SATL1: variants seen among roughly 807,000 people sequenced by gnomAD.
SATL1 encodes the protein spermidine/spermine N1-acetyl transferase like 1, also known as spermidine/spermine N(1)-acetyltransferase-like protein 1.
A neutral mutation model predicts 51.8 loss-of-function variants in SATL1; 47 were observed. The ratio of observed to expected loss-of-function variants is 0.91; its 90% confidence interval spans 0.72 to 1.16. The LOEUF (loss-of-function observed/expected upper bound fraction) is 1.16, where lower values mean the gene tolerates loss of function less well. Ranked by LOEUF, SATL1 falls within the 50% of genes most tolerant of loss-of-function variation. The probability of loss-of-function intolerance (pLI) is 0.00; values close to 1 mark genes in which losing one functional copy is unlikely to be tolerated. For missense variants in SATL1, 520 were observed against 526.4 expected, an observed-to-expected ratio of 0.99 and a Z score of 0.12; for synonymous variants, 176 against 182.4, an observed-to-expected ratio of 0.97 and a Z score of 0.28.
At chrX:85,173,253 T>A (rs1860751846) in intron 2 of SATL1, among the ~76,000 whole-genome samples, 1 of 111,207 alleles carries the variant, frequency 9.0e-6, no homozygotes, top group African/African-American at 3.3e-5. Context: ...TAGTATCAGA[T>A]TATGCTTATT....
At chrX:85,121,033 CAT>C (rs1925492905) in intron 2 of SATL1, among the ~76,000 whole-genome samples, 2 of 110,663 alleles carry the variant, frequency 1.8e-5, no homozygotes, top group Admixed American at 9.7e-5. Flanking sequence ...ACATAACAAA[CAT>C]AAAAAATTGT....
At chrX:85,094,256 A>T (rs1924624147) in intron 5 of SATL1, 27 bp from the exon 6 acceptor site, 1 of 907,507 alleles carries the variant, frequency 1.1e-6, no homozygotes, top group African/African-American at 2.0e-5. Context: ...AAGGGTGTAG[A>T]AAGGTTGGTT....
chrX:85,135,399 A>C (rs895984428), intron 2 of SATL1, among the ~76,000 whole-genome samples: 7 of 111,617 alleles, frequency 6.3e-5, no homozygotes, highest in Admixed American at 1.9e-4. Flanking sequence ...GAAATGTGAA[A>C]TAATGGGTGT....
chrX:85,126,195 C>T (rs1021026322), intron 2 of SATL1, among the ~76,000 whole-genome samples: 2 of 111,044 alleles, frequency 1.8e-5, no homozygotes, highest in African/African-American at 6.5e-5. Context: ...TTATCTTTTA[C>T]ATCTTCCCTA....
intron 2 of SATL1, among the ~76,000 whole-genome samples, chrX:85,151,344 A>G (rs1926431626): frequency 8.9e-6 from 1 of 111,732 alleles, no homozygotes; most frequent in East Asian, 2.8e-4. Context: ...AGAACATTCC[A>G]TGCTCATGGG....
intron 2 of SATL1, among the ~76,000 whole-genome samples, chrX:85,220,548 A>C (rs1339310302): frequency 9.9e-6 from 1 of 100,944 alleles, no homozygotes; most frequent in African/African-American, 3.6e-5. Flanking sequence ...TTTGTCTTGC[A>C]TTTTGGATAC....
chrX:85,190,103 T>C (rs1189597925), intron 2 of SATL1, among the ~76,000 whole-genome samples: 1 of 112,087 alleles, frequency 8.9e-6, no homozygotes, highest in African/African-American at 3.2e-5. Flanking sequence ...ATTTGACCCA[T>C]ACTGCCTACA....
chrX:85,178,472 C>T (rs1927127148), intron 2 of SATL1, among the ~76,000 whole-genome samples: 1 of 109,770 alleles, frequency 9.1e-6, no homozygotes, highest in African/African-American at 3.3e-5. Flanking sequence ...AGGTCTTGAA[C>T]TCTTGGGCCC....
At chrX:85,157,234 AAATTAAAGGGTTGATG>A (rs2076850621) in intron 2 of SATL1, among the ~76,000 whole-genome samples, 1 of 110,461 alleles carries the variant, frequency 9.1e-6, no homozygotes, top group African/African-American at 3.3e-5. Context: ...TAAAAAGGTT[AAATTAAAGGGTTGATG>A]AATCAAGGAG....
chrX:85,146,776 T>C (rs948248419), intron 2 of SATL1, among the ~76,000 whole-genome samples: 3 of 112,781 alleles, frequency 2.7e-5, no homozygotes, highest in East Asian at 2.8e-4. Flanking sequence ...GTCACTCCCA[T>C]TGGGGAATTT....
intron 2 of SATL1, among the ~76,000 whole-genome samples, chrX:85,122,944 G>T (rs912002506): frequency 9.0e-6 from 1 of 111,459 alleles, no homozygotes; most frequent in Admixed American, 9.6e-5. Flanking sequence ...ATTTGCTTAG[G>T]ATAATGGCCT....
At chrX:85,129,395 T>A (rs1260219688) in intron 2 of SATL1, among the ~76,000 whole-genome samples, 1 of 111,449 alleles carries the variant, frequency 9.0e-6, no homozygotes, top group Non-Finnish European at 1.9e-5. Context: ...GGTATTTTAT[T>A]CTCTTTGTAG....
At chrX:85,094,516 G>T (rs1924636083) in intron 5 of SATL1, among the ~76,000 whole-genome samples, 1 of 111,565 alleles carries the variant, frequency 9.0e-6, no homozygotes, top group Non-Finnish European at 1.9e-5. Flanking sequence ...GGCCAAGGCG[G>T]GAGGGTCGCT....
At chrX:85,215,879 C>T (rs928211202) in intron 2 of SATL1, among the ~76,000 whole-genome samples, 1 of 112,508 alleles carries the variant, frequency 8.9e-6, no homozygotes, top group African/African-American at 3.2e-5. Flanking sequence ...TGCCCATTAG[C>T]CAGTTCCCAA....
chrX:85,202,120 T>A (rs1246513312), intron 2 of SATL1, among the ~76,000 whole-genome samples: 1 of 111,646 alleles, frequency 9.0e-6, no homozygotes, highest in Admixed American at 9.5e-5. Flanking sequence ...CTCACCAGCA[T>A]GTTATTTTTT....
chrX:85,144,699 C>T (rs1418951110), intron 2 of SATL1, among the ~76,000 whole-genome samples: 4 of 111,359 alleles, frequency 3.6e-5, no homozygotes, highest in Non-Finnish European at 5.6e-5. Flanking sequence ...AAATGACTCT[C>T]CACAGTTTTC....
At chrX:85,120,519 T>A (rs1309946230) in intron 2 of SATL1, among the ~76,000 whole-genome samples, 1 of 111,799 alleles carries the variant, frequency 8.9e-6, no homozygotes, top group Non-Finnish European at 1.9e-5. Flanking sequence ...ACATCCAACA[T>A]AGCAGGAAAC....
intron 2 of SATL1, among the ~76,000 whole-genome samples, chrX:85,206,564 A>G (rs932554296): frequency 1.4e-4 from 16 of 111,703 alleles, no homozygotes; most frequent in Non-Finnish European, 2.4e-4. Flanking sequence ...TAACCTTGAC[A>G]AAAGCACTTT....
intron 1 of SATL1, among the ~76,000 whole-genome samples, chrX:85,230,100 A>G (rs1405939350): frequency 8.9e-6 from 1 of 111,942 alleles, no homozygotes; most frequent in East Asian, 2.8e-4. Flanking sequence ...AACCACAAAA[A>G]GAACCCAAAA....
Sources: gnomAD v4.1 joint callset for allele counts (sites outside exome capture counted in the v4.1 genomes callset) on GRCh38, gnomAD v4.1.1 for gene constraint, MANE v1.5 for transcripts, NCBI Gene and HGNC (gene_info 2026-07-23, HGNC 2026-07-21) for gene names.